Variants in GABRA2 observed in about 807,000 individuals in gnomAD.
GABRA2 encodes the protein gamma-aminobutyric acid type A receptor subunit alpha2.
GABRA2 carries 16 observed loss-of-function variants against 48.7 expected under a neutral mutation model. That is an observed-to-expected ratio of 0.33 (90% confidence interval 0.22 to 0.50). GABRA2 has a LOEUF of 0.50. Ranked by LOEUF, GABRA2 falls within the 20% of genes least tolerant of loss-of-function variation. GABRA2 has a pLI of 0.98. For synonymous variants in GABRA2, 185 were observed against 184.5 expected, an observed-to-expected ratio of 1.00 and a Z score of -0.02; for missense variants, 275 against 535.6, an observed-to-expected ratio of 0.51 and a Z score of 4.80.
intron 3 of GABRA2, among the ~76,000 whole-genome samples, chr4:46,384,152 T>C (rs947377855): frequency 8.5e-5 from 13 of 152,252 alleles, no homozygotes; most frequent in Admixed American, 2.6e-4. Flanking sequence ...TCTAGACCTG[T>C]CTGCCTCCAA....
chr4:46,303,509 T>C lies in GABRA2; in HGVS notation c.807A>G (p.Gln269=), dbSNP rs776936325. The change falls in exon 8 of 10, where the codon CAA becomes CAG. Residue 269 remains glutamine, a synonymous_variant. Coordinates refer to ENST00000381620, the MANE Select transcript of GABRA2 (RefSeq NM_000807.4). The part of the protein sequence containing the change: ...LPCIMTVILS[Q]VSFWLNRESV... ...ATTCTCTGTTAAGCCAGAATGAAAC[T>C]TGGGAGAGAATGACAGTCATGATGC... The C allele has an allele frequency of 3.1e-6, 5 of 1,614,076 alleles. No homozygotes were observed. Among genetic ancestry groups the C allele is most frequent in the East Asian group, 2.2e-5 (1 of 44,856 alleles).
chr4:46,272,566 T>C (rs934045556), intron 8 of GABRA2, among the ~76,000 whole-genome samples: 1 of 151,926 alleles, frequency 6.6e-6, no homozygotes, highest in African/African-American at 2.4e-5. Flanking sequence ...ACCTCACAAC[T>C]GGACAAGGTT....
chr4:46,332,839 A>G (rs1731600376), intron 3 of GABRA2, among the ~76,000 whole-genome samples, 157 bp from the exon 4 acceptor site: 2 of 152,108 alleles, frequency 1.3e-5, no homozygotes, highest in African/African-American at 4.8e-5. Context: ...AATGACTATA[A>G]TGCTCAGTTA....
chr4:46,331,985 A>G (rs1404443564), intron 4 of GABRA2, among the ~76,000 whole-genome samples: 1 of 152,066 alleles, frequency 6.6e-6, no homozygotes, highest in Non-Finnish European at 1.5e-5. Context: ...AGCCTCCCAA[A>G]TTGCTGCAAT....
intron 3 of GABRA2, among the ~76,000 whole-genome samples, chr4:46,347,685 A>G (rs187960147): frequency 6.6e-6 from 1 of 152,070 alleles, no homozygotes; most frequent in African/African-American, 2.4e-5. Flanking sequence ...GGTCTGGGCT[A>G]TGATTTGTTG....
chr4:46,279,012 G>A (rs944766963), intron 8 of GABRA2, among the ~76,000 whole-genome samples: 16 of 151,632 alleles, frequency 1.1e-4, no homozygotes, highest in Admixed American at 6.6e-5. Flanking sequence ...TATACTATAT[G>A]TATAATAAAG....
intron 3 of GABRA2, chr4:46,367,387 C>G (rs1324093586): frequency 1.3e-5 from 2 of 152,090 alleles, no homozygotes; most frequent in African/African-American, 2.4e-5. Context: ...ACTAAGGACA[C>G]AGTAGCAAAC....
intron 4 of GABRA2, among the ~76,000 whole-genome samples, chr4:46,319,119 A>C (rs569715837): frequency 1.0e-3 from 155 of 151,784 alleles, no homozygotes; most frequent in African/African-American, 3.6e-3. Flanking sequence ...CAAGGAAATC[A>C]CTCTCTATAA....
At chr4:46,263,163 G>A (rs1396084347) in intron 8 of GABRA2, among the ~76,000 whole-genome samples, 1 of 151,944 alleles carries the variant, frequency 6.6e-6, no homozygotes, top group Non-Finnish European at 1.5e-5. Context: ...AGCAGCAACT[G>A]TAAAGGTAAT....
rs564227992 is a variant in GABRA2, at chr4:46,257,148, A to G, written c.1059+4778T>C. Among the ~76,000 whole-genome samples the G allele has an allele frequency of 5.9e-5, 9 of 151,864 alleles. No homozygotes were observed. The South Asian group carries it at 1.9e-3, about 31-fold the overall frequency. ...TGTAAGAAACAGACTTACTTACAAT[A>G]TAACTATAATGTAATGAGATGTTGT... On this transcript the variant is annotated intron_variant, in intron 9 of 9. Coordinates refer to ENST00000381620, the MANE Select transcript of GABRA2 (RefSeq NM_000807.4).
At chr4:46,280,748 A>G (rs1277379072) in intron 8 of GABRA2, among the ~76,000 whole-genome samples, 1 of 152,150 alleles carries the variant, frequency 6.6e-6, no homozygotes, top group Non-Finnish European at 1.5e-5. Context: ...TGGATCCTTT[A>G]GGGAAGTACT....
intron 8 of GABRA2, among the ~76,000 whole-genome samples, 195 bp from the exon 9 acceptor site, chr4:46,262,323 G>A (rs749275672): frequency 4.6e-5 from 7 of 151,840 alleles, no homozygotes; most frequent in Non-Finnish European, 8.8e-5. Context: ...ATGATATTTC[G>A]TGATGTAATG....
chr4:46,325,689 T>C (rs893209717), intron 4 of GABRA2, among the ~76,000 whole-genome samples: 1 of 152,016 alleles, frequency 6.6e-6, no homozygotes, highest in Non-Finnish European at 1.5e-5. Flanking sequence ...GGTTTTCTTC[T>C]AGGATTCTTA....
At chr4:46,352,012 A>C (rs1035108447) in intron 3 of GABRA2, among the ~76,000 whole-genome samples, 1 of 150,902 alleles carries the variant, frequency 6.6e-6, no homozygotes. Context: ...TGTTCCTGCC[A>C]TTCCTGGTAG....
intron 3 of GABRA2, among the ~76,000 whole-genome samples, chr4:46,350,068 G>A (rs761717018): frequency 4.2e-4 from 64 of 151,746 alleles, no homozygotes; most frequent in Non-Finnish European, 7.7e-4. Flanking sequence ...TTATCTTCAT[G>A]ATCCCCCATG....
chr4:46,325,413 C>T (rs937854273), intron 4 of GABRA2, among the ~76,000 whole-genome samples: 1 of 151,832 alleles, frequency 6.6e-6, no homozygotes, highest in Non-Finnish European at 1.5e-5. Context: ...TGTCCTTTTT[C>T]CATGTTTTAA....
chr4:46,379,965 G>A (rs1001278732), intron 3 of GABRA2, among the ~76,000 whole-genome samples: 2 of 151,730 alleles, frequency 1.3e-5, no homozygotes, highest in African/African-American at 2.4e-5. Context: ...TCTCTCTCTC[G>A]ATGTCTCCAC....
rs1424300565 is a variant in GABRA2, at chr4:46,249,272, A to G, written c.*1036T>C. On this transcript the variant is annotated 3_prime_UTR_variant, in exon 10 of 10. Transcript: ENST00000381620. Reference sequence around the variant, plus strand: ...TCACAAGAGAAAAATGTGCCAATTAACTGCCCTTTCCTTTATAATTAGTGG... The same window carrying G: ...TCACAAGAGAAAAATGTGCCAATTAGCTGCCCTTTCCTTTATAATTAGTGG... The G allele has an allele frequency of 6.6e-6, 1 of 151,492 alleles. No individual in the cohort carries two copies. Among genetic ancestry groups the G allele is most frequent in the Admixed American group, 6.6e-5 (1 of 15,128 alleles). The allele number at this position is 151,492 out of a possible 1,614,324, so 9.4% of individuals were successfully genotyped here.
At chr4:46,368,906 T>G (rs1446958282) in intron 3 of GABRA2, 2 of 656,842 alleles carry the variant, frequency 3.0e-6, no homozygotes, top group African/African-American at 3.6e-5. Context: ...GCTCCACTCA[T>G]TCCTTTATTT....
Sources: gnomAD v4.1 joint callset for allele counts (sites outside exome capture counted in the v4.1 genomes callset) on GRCh38, gnomAD v4.1.1 for gene constraint, MANE v1.5 for transcripts, NCBI Gene and HGNC (gene_info 2026-07-23, HGNC 2026-07-21) for gene names.